Variants in DPP6 observed in about 807,000 individuals in gnomAD.
DPP6 encodes the protein dipeptidyl peptidase like 6, also known as A-type potassium channel modulatory protein DPP6.
DPP6 carries 69 observed loss-of-function variants against 122.6 expected under a neutral mutation model. The observed-to-expected ratio is 0.56, with a 90% CI of 0.46 to 0.69. The LOEUF is 0.69. Among genes scored for constraint, DPP6 ranks in the 30% least tolerant of loss-of-function variants. DPP6 has a pLI of 0.00. For synonymous variants in DPP6, 418 were observed against 433.1 expected (o/e 0.97, Z 0.43); for missense variants, 928 against 1,116.9 (o/e 0.83, Z 2.41).
the DPP6 span, among the ~76,000 whole-genome samples, chr7:153,851,655 G>T: frequency 5.0e-4 from 76 of 152,150 alleles, no homozygotes; most frequent in Non-Finnish European, 1.0e-3. Flanking sequence ...CATTTATAAA[G>T]AATAATTTCA....
intron 1 of DPP6, among the ~76,000 whole-genome samples, chr7:153,963,669 G>A (rs949061967): frequency 4.6e-5 from 7 of 152,132 alleles, no homozygotes; most frequent in African/African-American, 1.7e-4. Context: ...TCTCATAGGA[G>A]TGGGAACCCT....
At chr7:154,056,684 C>T (rs1377114614) in intron 1 of DPP6, among the ~76,000 whole-genome samples, 2 of 152,164 alleles carry the variant, frequency 1.3e-5, no homozygotes, top group Non-Finnish European at 2.9e-5. Context: ...ATGATGTCCA[C>T]CAGCCTTGGA....
At chr7:154,767,769 C>T (rs972672407) in intron 8 of DPP6, among the ~76,000 whole-genome samples, 1 of 152,128 alleles carries the variant, frequency 6.6e-6, no homozygotes. Flanking sequence ...GAGCACTGCT[C>T]TCCATACTCC....
intron 1 of DPP6, among the ~76,000 whole-genome samples, chr7:154,296,846 A>C (rs1805572361): frequency 6.6e-6 from 1 of 152,200 alleles, no homozygotes; most frequent in Admixed American, 6.5e-5. Context: ...TTGGATACTG[A>C]GCCCTGTTTG....
At chr7:153,758,402 A>G in the DPP6 span, among the ~76,000 whole-genome samples, 4,440 of 152,060 alleles carry the variant, frequency 0.029, 76 homozygotes, top group African/African-American at 0.095. Flanking sequence ...GTACGGTTTA[A>G]TAAGTATTGA....
At chr7:154,096,311 C>T in intron 1 of DPP6, among the ~76,000 whole-genome samples, 1 of 89,350 alleles carries the variant, frequency 1.1e-5, no homozygotes, top group Non-Finnish European at 2.2e-5. Context: ...ATCTCATGTC[C>T]CCTTTATACA....
At chr7:154,697,245 A>G (rs1261605923) in intron 7 of DPP6, among the ~76,000 whole-genome samples, 3 of 152,042 alleles carry the variant, frequency 2.0e-5, no homozygotes, top group African/African-American at 7.2e-5. Flanking sequence ...AACTTGCCTG[A>G]CTCCACAGCA....
Position 154,810,754 on chromosome 7 carries a change from G to A in DPP6, c.1666+3642G>A, listed in dbSNP as rs1253642816. Among the ~76,000 whole-genome samples the A allele has an allele frequency of 2.0e-5, 3 of 151,676 alleles. No individual in the cohort carries two copies. The East Asian group carries it at 5.8e-4, about 29-fold the overall frequency. On this transcript the variant is annotated intron_variant, in intron 16 of 25. Transcript: ENST00000377770. Reference sequence around the variant, plus strand: ...GCCACACTGGGTCACACACACGACTGACCCAGTCCCCAAGTACAGCCACAC... The same window carrying A: ...GCCACACTGGGTCACACACACGACTAACCCAGTCCCCAAGTACAGCCACAC...
intron 1 of DPP6, among the ~76,000 whole-genome samples, chr7:154,344,185 C>T (rs1381264259): frequency 6.6e-6 from 1 of 152,200 alleles, no homozygotes; most frequent in East Asian, 1.9e-4. Context: ...GAAAATTCCA[C>T]ACCCACAATT....
At chr7:154,511,136 G>T (rs1457955641) in intron 3 of DPP6, among the ~76,000 whole-genome samples, 1 of 152,180 alleles carries the variant, frequency 6.6e-6, no homozygotes. Context: ...AGATTGTTCA[G>T]GAAATAGTGA....
intron 2 of DPP6, among the ~76,000 whole-genome samples, chr7:154,448,895 T>A (rs1820117803): frequency 6.6e-6 from 1 of 152,206 alleles, no homozygotes; most frequent in African/African-American, 2.4e-5. Context: ...GACCCCCAAC[T>A]CGTACCATAT....
chr7:154,227,693 G>A (rs1191716708), intron 1 of DPP6, among the ~76,000 whole-genome samples: 2 of 147,938 alleles, frequency 1.4e-5, no homozygotes, highest in African/African-American at 5.2e-5. Context: ...CATCCTCCTG[G>A]ACTTTACTCA....
intron 1 of DPP6, among the ~76,000 whole-genome samples, chr7:153,896,143 A>G (rs1799404039): frequency 2.0e-5 from 3 of 152,222 alleles, no homozygotes; most frequent in Admixed American, 6.5e-5. Flanking sequence ...CTACTGGACT[A>G]ATGCCCCTAT....
the DPP6 span, among the ~76,000 whole-genome samples, chr7:153,877,196 A>ACATTTTGAG: frequency 6.6e-6 from 1 of 152,132 alleles, no homozygotes; most frequent in African/African-American, 2.4e-5. Context: ...TTACTTTCTA[A>ACATTTTGAG]CATTTTGAGT....
At chr7:154,305,218 T>C in intron 1 of DPP6, 1 of 1,175,954 alleles carries the variant, frequency 8.5e-7, no homozygotes, top group Non-Finnish European at 1.1e-6. Flanking sequence ...GTTATCATTG[T>C]TTCTGTGGCG....
At chr7:154,397,430 A>T (rs946756131) in intron 1 of DPP6, among the ~76,000 whole-genome samples, 1 of 152,216 alleles carries the variant, frequency 6.6e-6, no homozygotes, top group African/African-American at 2.4e-5. Context: ...GAAACGAGAG[A>T]GTATTCTAGA....
intron 1 of DPP6, among the ~76,000 whole-genome samples, chr7:154,427,390 G>T (rs1056304126): frequency 6.6e-6 from 1 of 152,072 alleles, no homozygotes; most frequent in Non-Finnish European, 1.5e-5. Flanking sequence ...TCTTTATTCT[G>T]TAGGCTTTCT....
intron 1 of DPP6, among the ~76,000 whole-genome samples, chr7:154,219,193 T>G (rs1463287513): frequency 2.6e-5 from 4 of 152,226 alleles, no homozygotes; most frequent in African/African-American, 9.6e-5. Flanking sequence ...CCTCTTGACC[T>G]TCATCCCCAG....
the DPP6 span, among the ~76,000 whole-genome samples, chr7:153,812,204 CCT>C: frequency 6.6e-6 from 1 of 152,060 alleles, no homozygotes; most frequent in African/African-American, 2.4e-5. Context: ...TTACCCTGAC[CCT>C]CTCTCGTGCA....
Sources: gnomAD v4.1 joint callset for allele counts (sites outside exome capture counted in the v4.1 genomes callset) on GRCh38, gnomAD v4.1.1 for gene constraint, MANE v1.5 for transcripts, NCBI Gene and HGNC (gene_info 2026-07-23, HGNC 2026-07-21) for gene names.